The following NR6A1 variants were observed in gnomAD, a reference collection of about 807,000 sequenced individuals.
NR6A1 encodes the protein nuclear receptor subfamily 6 group A member 1, also known as retinoic acid receptor-related testis-associated receptor.
Under a neutral mutation model 59.1 loss-of-function variants are expected in NR6A1, and 7 were observed. The observed-to-expected ratio is 0.12, with a 90% CI of 0.07 to 0.22. The LOEUF (loss-of-function observed/expected upper bound fraction) is 0.22, where lower values mean the gene tolerates loss of function less well. NR6A1 is among the 10% of genes least tolerant of loss of function. The pLI is 1.00. For synonymous variants in NR6A1, 243 were observed against 236.1 expected (o/e 1.03, Z -0.27); for missense variants, 468 against 611.6 (o/e 0.77, Z 2.48).
chr9:124,629,153 G>A (rs1443715252), intron 2 of NR6A1, among the ~76,000 whole-genome samples: 1 of 152,130 alleles, frequency 6.6e-6, no homozygotes, highest in Non-Finnish European at 1.5e-5. Context: ...GTTAAAAAGG[G>A]AAACTTATCC....
At chr9:124,603,317 G>A (rs1462029567) in intron 2 of NR6A1, among the ~76,000 whole-genome samples, 3 of 152,136 alleles carry the variant, frequency 2.0e-5, no homozygotes, top group Non-Finnish European at 4.4e-5. Context: ...GTGGGGTACA[G>A]TTCTTCTGTT....
rs907683664 is a variant in NR6A1, at chr9:124,627,894, T to C, written c.143-73324A>G. On this transcript the variant is annotated intron_variant, in intron 2 of 9. Transcript: ENST00000487099. ...GGTCTGAGATTTTCTTTTTTTTTTTTTTTTTTTTTTTTTTTTCAAAACAAA... is the reference window on the plus strand; with the variant it reads ...GGTCTGAGATTTTCTTTTTTTTTTTCTTTTTTTTTTTTTTTTCAAAACAAA... Among the ~76,000 whole-genome samples the C allele has an allele frequency of 8.1e-4, 120 of 148,710 alleles. 1 individual carries two copies. Among genetic ancestry groups the C allele is most frequent in the African/African-American group, 2.8e-3 (114 of 40,648 alleles).
At position 124,520,747 on chromosome 9, in the gene NR6A1, G is replaced by A. The variant is rs971421118; in HGVS notation, c.*1958C>T. 1 of 152,084 alleles carries A rather than the reference G, an allele frequency of 6.6e-6. No individual in the cohort carries two copies. The highest frequency in any genetic ancestry group is 2.4e-5 in the African/African-American group (1 of 41,394). 9.4% of individuals were successfully genotyped at this position (152,084 alleles called of 1,614,324 possible). On this transcript the variant is annotated 3_prime_UTR_variant, in exon 10 of 10. Transcript: ENST00000487099. ...TCTAGTTGGTTAAATAAAATTCAGG[G>A]GAACAAGTATCGTGAACTTAGAAAT...
chr9:124,722,926 A>G (rs1233620952), intron 2 of NR6A1, among the ~76,000 whole-genome samples: 1 of 152,074 alleles, frequency 6.6e-6, no homozygotes, highest in African/African-American at 2.4e-5. Context: ...CCTAGGCTCA[A>G]AATAATCTGT....
chr9:124,698,324 A>G (rs1034226295), intron 2 of NR6A1: 6 of 152,246 alleles, frequency 3.9e-5, no homozygotes, highest in Non-Finnish European at 8.8e-5. Context: ...TTAGATGCAG[A>G]ATCTACCTAC....
intron 3 of NR6A1, among the ~76,000 whole-genome samples, chr9:124,553,549 C>CTTTTTTTTGTT (rs1833840325): frequency 2.1e-5 from 1 of 47,324 alleles, no homozygotes; most frequent in African/African-American, 7.8e-5. Context: ...TTTAGCTTGA[C>CTTTTTTTTGTT]TTTTTTTTTT....
At position 124,595,712 on chromosome 9, in the gene NR6A1, T is replaced by C. The variant is rs541531011; in HGVS notation, c.143-41142A>G. On this transcript the variant is annotated intron_variant, in intron 2 of 9. Transcript: ENST00000487099. Reference sequence around the variant, plus strand: ...TTGCTCTAAACCTTCAAAGAAAATTTCTAACCCTTAGATTTGGGCCCCAGA... The same window carrying C: ...TTGCTCTAAACCTTCAAAGAAAATTCCTAACCCTTAGATTTGGGCCCCAGA... The C allele has an allele frequency of 1.2e-4, 136 of 1,133,840 alleles. No individual in the cohort carries two copies. In the Admixed American group the frequency reaches 3.1e-3, roughly 26 times the overall value. 70.2% of individuals were successfully genotyped at this position (1,133,840 alleles called of 1,614,324 possible). A position where few individuals can be genotyped will look rare whatever the true frequency, so the allele number is the denominator to read the frequency against.
intron 2 of NR6A1, among the ~76,000 whole-genome samples, chr9:124,626,745 C>G (rs778346443): frequency 3.3e-5 from 5 of 152,010 alleles, no homozygotes; most frequent in Non-Finnish European, 7.4e-5. Flanking sequence ...ACCAGCCTGG[C>G]CAAGATGGTG....
chr9:124,573,400 G>A (rs1834501056), intron 2 of NR6A1, among the ~76,000 whole-genome samples: 1 of 152,170 alleles, frequency 6.6e-6, no homozygotes, highest in South Asian at 2.1e-4. Context: ...CTATTATTAA[G>A]TTCTTCCTTA....
chr9:124,684,023 C>A (rs1014167928), intron 2 of NR6A1, among the ~76,000 whole-genome samples: 2 of 152,210 alleles, frequency 1.3e-5, no homozygotes, highest in African/African-American at 4.8e-5. Context: ...GCACCTATGA[C>A]TCTTGCCCAG....
chr9:124,540,812 A>T (rs1375122243), intron 4 of NR6A1, among the ~76,000 whole-genome samples: 6 of 152,272 alleles, frequency 3.9e-5, no homozygotes, highest in African/African-American at 1.2e-4. Context: ...AAAGAAGACA[A>T]AACAAAACCA....
At chr9:124,617,439 C>T (rs1835930929) in intron 2 of NR6A1, among the ~76,000 whole-genome samples, 1 of 152,176 alleles carries the variant, frequency 6.6e-6, no homozygotes, top group Non-Finnish European at 1.5e-5. Flanking sequence ...TTAGCTAGCG[C>T]AGGGCACCTA....
intron 2 of NR6A1, chr9:124,599,002 A>G (rs1345552097): frequency 4.1e-6 from 3 of 739,004 alleles, no homozygotes; most frequent in African/African-American, 3.4e-5. Context: ...GGTTGGCACA[A>G]ATCTTCAGGG....
intron 1 of NR6A1, among the ~76,000 whole-genome samples, chr9:124,768,632 C>A (rs1217290233): frequency 6.6e-6 from 1 of 152,180 alleles, no homozygotes; most frequent in East Asian, 1.9e-4. Context: ...TTTAAAGCCA[C>A]CTTAGTCTAA....
intron 2 of NR6A1, among the ~76,000 whole-genome samples, chr9:124,582,613 G>A (rs2131463634): frequency 6.6e-6 from 1 of 152,292 alleles, no homozygotes; most frequent in Middle Eastern, 3.4e-3. Context: ...TGGGCCAGGT[G>A]GAGTGGCCCA....
At chr9:124,712,467 GGTAGGTGACACACGCCT>G (rs1839306104) in intron 2 of NR6A1, among the ~76,000 whole-genome samples, 1 of 152,010 alleles carries the variant, frequency 6.6e-6, no homozygotes. Context: ...AAATTAGCCA[GGTAGGTGACACACGCCT>G]GTAGTCCCAG....
intron 2 of NR6A1, among the ~76,000 whole-genome samples, chr9:124,567,867 G>C (rs548752326): frequency 3.2e-4 from 42 of 133,030 alleles, no homozygotes; most frequent in South Asian, 2.8e-3. Flanking sequence ...CTAGTACAGA[G>C]TCATACGCAT....
intron 7 of NR6A1, among the ~76,000 whole-genome samples, chr9:124,533,885 G>C (rs1025936428): frequency 2.0e-5 from 3 of 151,558 alleles, no homozygotes; most frequent in Non-Finnish European, 2.9e-5. Flanking sequence ...TCCTGACCTC[G>C]TGATCTGCCT....
intron 7 of NR6A1, among the ~76,000 whole-genome samples, chr9:124,533,983 T>C (rs538046168): frequency 6.6e-6 from 1 of 152,006 alleles, no homozygotes; most frequent in Non-Finnish European, 1.5e-5. Flanking sequence ...CTTGGTGCCC[T>C]GGAATCCCAT....
Sources: gnomAD v4.1 joint callset for allele counts (sites outside exome capture counted in the v4.1 genomes callset) on GRCh38, gnomAD v4.1.1 for gene constraint, MANE v1.5 for transcripts, NCBI Gene and HGNC (gene_info 2026-07-23, HGNC 2026-07-21) for gene names.